Variants in PIK3C2A observed in about 807,000 individuals in gnomAD.
PIK3C2A encodes the protein phosphatidylinositol-4-phosphate 3-kinase catalytic subunit type 2 alpha, also known as phosphatidylinositol 4-phosphate 3-kinase C2 domain-containing subunit alpha.
A neutral mutation model predicts 204.5 loss-of-function variants in PIK3C2A; 97 were observed. The ratio of observed to expected loss-of-function variants is 0.47; its 90% CI spans 0.40 to 0.56. PIK3C2A has a LOEUF of 0.56. PIK3C2A is among the 20% of genes least tolerant of loss of function. The probability of loss-of-function intolerance (pLI) is 0.00; values close to 1 mark genes in which losing one functional copy is unlikely to be tolerated. For synonymous variants in PIK3C2A, 653 were observed against 664.4 expected, an observed-to-expected ratio of 0.98 and a Z score of 0.26; for missense variants, 1,735 against 1,969.2, an observed-to-expected ratio of 0.88 and a Z score of 2.25.
rs61762022 is a variant in PIK3C2A at position 17,117,763 on chromosome 11, G to C, written c.3036-92C>G. On this transcript the variant is annotated intron_variant, in intron 18 of 32. Coordinates refer to ENST00000691414, the MANE Select transcript of PIK3C2A (RefSeq NM_002645.4). ...GGAGCCTCACTCGTCACCCAGGCTG[G>C]AGTGCAGTGGCGCCATCTCGGCTCA... The C allele has an allele frequency of 1.9e-3, 1,365 of 703,710 alleles. 32 individuals carry two copies. In the East Asian group the frequency reaches 0.029, roughly 15 times the overall value. 43.6% of individuals were successfully genotyped at this position (703,710 alleles called of 1,614,324 possible).
chr11:17,131,661 T>TCCGC (rs1565263034), intron 12 of PIK3C2A, among the ~76,000 whole-genome samples: 5 of 152,134 alleles, frequency 3.3e-5, no homozygotes, highest in African/African-American at 7.2e-5. Flanking sequence ...GACCTCATGA[T>TCCGC]CCGCCCGCCT....
At chr11:17,091,923 C>G in intron 30 of PIK3C2A, 73 bp downstream of exon 30, 1 of 945,232 alleles carries the variant, frequency 1.1e-6, no homozygotes, top group South Asian at 1.3e-5. Context: ...TGCTGTCATT[C>G]TACCACATTC....
At chr11:17,098,799 G>A (rs1848530109) in intron 26 of PIK3C2A, among the ~76,000 whole-genome samples, 1 of 152,152 alleles carries the variant, frequency 6.6e-6, no homozygotes, top group Non-Finnish European at 1.5e-5. Context: ...AAAAGAACAT[G>A]AGCTCAGGTA....
At chr11:17,102,046 C>T (rs1184398524) in intron 24 of PIK3C2A, among the ~76,000 whole-genome samples, 1 of 152,146 alleles carries the variant, frequency 6.6e-6, no homozygotes. Flanking sequence ...TAGTTACAAA[C>T]ATAGAAAACT....
At chr11:17,161,100 T>C (rs1850762119) in intron 2 of PIK3C2A, among the ~76,000 whole-genome samples, 1 of 152,190 alleles carries the variant, frequency 6.6e-6, no homozygotes, top group Admixed American at 6.5e-5. Flanking sequence ...CAAAAATTTA[T>C]CATTAATACT....
chr11:17,118,382 G>T (rs1351151371), intron 18 of PIK3C2A, among the ~76,000 whole-genome samples: 1 of 152,016 alleles, frequency 6.6e-6, no homozygotes, highest in Non-Finnish European at 1.5e-5. Context: ...CTCAATTTTT[G>T]ATAACCAGAA....
chr11:17,117,092 C>G (rs1314093785), intron 19 of PIK3C2A, among the ~76,000 whole-genome samples: 1 of 152,082 alleles, frequency 6.6e-6, no homozygotes, highest in Non-Finnish European at 1.5e-5. Context: ...CATGAAGTGT[C>G]CAGAATATCC....
chr11:17,114,368 T>C lies in PIK3C2A; in HGVS notation c.3314A>G (p.Asn1105Ser). The C allele has an allele frequency of 6.8e-7, 1 of 1,469,114 alleles. No individual in the cohort carries two copies. The highest frequency in any genetic ancestry group is 1.7e-5 in the Admixed American group (1 of 59,738). The allele number at this position is 1,469,114 out of a possible 1,614,324, so 91.0% of individuals were successfully genotyped here. A position where few individuals can be genotyped will look rare whatever the true frequency, so the allele number is the denominator to read the frequency against. ...LKPSLVAKEL[N>S]IKSCSFFSSN... ...AAGTATTTTATGTGTCACCTTAATA[T>C]TTAATTCTTTTGCCACTAGACTTGG... is the stretch of plus-strand genomic sequence containing the variant. Residue 1105 changes from asparagine to serine, a missense_variant, in exon 20 of 33, where the codon AAT (asparagine) becomes AGT (serine). Transcript: ENST00000691414.
At chr11:17,135,224 T>C in intron 9 of PIK3C2A, 65 bp from the exon 10 acceptor site, 5 of 1,506,992 alleles carry the variant, frequency 3.3e-6, no homozygotes, top group Non-Finnish European at 4.6e-6. Flanking sequence ...AAATGTCAAA[T>C]ACTATGTCCA....
At chr11:17,106,696 C>T (rs909790427) in intron 22 of PIK3C2A, among the ~76,000 whole-genome samples, 4 of 152,210 alleles carry the variant, frequency 2.6e-5, no homozygotes, top group Non-Finnish European at 4.4e-5. Flanking sequence ...CCTGTCTCAG[C>T]TTCCCAGAGT....
At chr11:17,138,232 G>A in intron 8 of PIK3C2A, 1 of 966,022 alleles carries the variant, frequency 1.0e-6, no homozygotes, top group Non-Finnish European at 1.6e-6. Flanking sequence ...TTGGTACAAA[G>A]GTAAACAATT....
intron 3 of PIK3C2A, among the ~76,000 whole-genome samples, chr11:17,153,904 T>A (rs762230302): frequency 6.6e-6 from 1 of 152,204 alleles, no homozygotes; most frequent in Non-Finnish European, 1.5e-5. Context: ...GTACATCTCC[T>A]CATCTCAATC....
intron 1 of PIK3C2A, among the ~76,000 whole-genome samples, chr11:17,171,455 A>T (rs954772849): frequency 1.3e-5 from 2 of 152,128 alleles, no homozygotes; most frequent in Admixed American, 1.3e-4. Context: ...ATAAATTCAA[A>T]TTAGTATAAT....
In PIK3C2A at chr11:17,097,237, A is replaced by G; in HGVS notation, c.4146T>C (p.Ile1382=). 1 of 1,613,172 alleles carries G rather than the reference A, an allele frequency of 6.2e-7. No individual in the cohort carries two copies. Among genetic ancestry groups the G allele is most frequent in the Non-Finnish European group, 8.5e-7 (1 of 1,179,238 alleles). ...GAATGAAGAAGTTAAACTTTGTGGC[A>G]ATGCTTCCCAAACTTGATTCAATAA... ...TRLIESSLGS[I]ATKFNFFIHN... Residue 1382 remains isoleucine, a synonymous_variant, in exon 27 of 33, where the codon ATT becomes ATC. Transcript: ENST00000691414.
At chr11:17,186,797 G>A (rs565750394) in intron 1 of PIK3C2A, among the ~76,000 whole-genome samples, 14 of 152,316 alleles carry the variant, frequency 9.2e-5, no homozygotes, top group African/African-American at 3.1e-4. Flanking sequence ...GGCCTTGGCC[G>A]GGCACGGTGG....
At chr11:17,175,640 C>T (rs1461964563) in intron 1 of PIK3C2A, among the ~76,000 whole-genome samples, 1 of 152,178 alleles carries the variant, frequency 6.6e-6, no homozygotes, top group Non-Finnish European at 1.5e-5. Context: ...ATTTTCTCAA[C>T]ATAAAGTAAC....
Position 17,139,236 on chromosome 11 carries a change from T to C in PIK3C2A, c.1705-2611A>G, listed in dbSNP as rs149492406. Among the ~76,000 whole-genome samples the C allele has an allele frequency of 1.6e-3, 241 of 148,820 alleles. 2 individuals carry two copies. The highest frequency in any genetic ancestry group is 5.5e-3 in the African/African-American group (220 of 40,278). ...CCTAATGATTCTTTAAATTTCCCTTTTTTTTTTTTGAGGTGGAATCTCACT... is the reference window on the plus strand; with the variant it reads ...CCTAATGATTCTTTAAATTTCCCTTCTTTTTTTTTGAGGTGGAATCTCACT... On this transcript the variant is annotated intron_variant, in intron 8 of 32. Transcript: ENST00000691414.
intron 25 of PIK3C2A, among the ~76,000 whole-genome samples, chr11:17,100,738 A>G (rs1288424159): frequency 6.6e-6 from 1 of 152,174 alleles, no homozygotes; most frequent in Non-Finnish European, 1.5e-5. Flanking sequence ...CCATGTATAC[A>G]TATTATTTAA....
chr11:17,147,682 G>A, intron 5 of PIK3C2A, 54 bp from the exon 6 acceptor site: 4 of 968,532 alleles, frequency 4.1e-6, no homozygotes, highest in East Asian at 2.7e-5. Flanking sequence ...AATTATAAAG[G>A]TGAGGGTAAA....
Sources: gnomAD v4.1 joint callset for allele counts (sites outside exome capture counted in the v4.1 genomes callset) on GRCh38, gnomAD v4.1.1 for gene constraint, MANE v1.5 for transcripts, NCBI Gene and HGNC (gene_info 2026-07-23, HGNC 2026-07-21) for gene names.